Variants in DMD observed in about 807,000 individuals in gnomAD.
DMD encodes the protein mutant dystrophin.
DMD carries 63 observed loss-of-function variants against 330.1 expected under a neutral mutation model. That is an observed-to-expected ratio of 0.19 (90% CI 0.16 to 0.24). The LOEUF is 0.24. Ranked by LOEUF, DMD falls within the 10% of genes least tolerant of loss-of-function variation. DMD has a pLI of 1.00. For synonymous variants in DMD, 1,223 were observed against 959.8 expected (o/e 1.27, Z -5.07); for missense variants, 3,344 against 2,684.1 (o/e 1.25, Z -5.43).
At chrX:32,736,466 C>T (rs1160318337) in intron 7 of DMD, among the ~76,000 whole-genome samples, 10 of 110,304 alleles carry the variant, frequency 9.1e-5, no homozygotes, top group Admixed American at 1.9e-4. Flanking sequence ...CACATGCACA[C>T]GTATGTTTAT....
At chrX:31,889,335 T>C (rs913070651) in intron 47 of DMD, among the ~76,000 whole-genome samples, 1 of 111,063 alleles carries the variant, frequency 9.0e-6, no homozygotes, top group African/African-American at 3.3e-5. Context: ...CGTGAGTACA[T>C]GGATAATATT....
At chrX:32,894,300 C>A (rs1603459381) in intron 2 of DMD, among the ~76,000 whole-genome samples, 1 of 111,565 alleles carries the variant, frequency 9.0e-6, no homozygotes, top group African/African-American at 3.3e-5. Flanking sequence ...CCATAGCCAG[C>A]AAACGAGGCA....
chrX:33,207,791 T>A (rs774846676), intron 1 of DMD, among the ~76,000 whole-genome samples: 1 of 111,767 alleles, frequency 8.9e-6, no homozygotes, highest in Admixed American at 9.5e-5. Context: ...TTTATTTGCT[T>A]GGTTTGTTTG....
intron 5 of DMD, among the ~76,000 whole-genome samples, chrX:32,820,168 G>A (rs12013351): frequency 9.0e-6 from 1 of 111,677 alleles, no homozygotes; most frequent in South Asian, 3.7e-4. Context: ...GGCTGGGTGC[G>A]GTGGCTCACG....
chrX:31,976,417 C>T (rs1016840039), intron 44 of DMD, among the ~76,000 whole-genome samples: 72 of 110,842 alleles, frequency 6.5e-4, no homozygotes, highest in African/African-American at 2.1e-3. Flanking sequence ...TTTATTGAAA[C>T]GATTCTGGGC....
At chrX:32,650,770 T>C (rs926197580) in intron 9 of DMD, among the ~76,000 whole-genome samples, 36 of 111,893 alleles carry the variant, frequency 3.2e-4, no homozygotes, top group African/African-American at 1.0e-3. Flanking sequence ...TTAGGAAAAA[T>C]CATGGCCTGC....
intron 1 of DMD, among the ~76,000 whole-genome samples, chrX:33,297,708 A>G (rs181523070): frequency 9.0e-6 from 1 of 111,409 alleles, no homozygotes; most frequent in East Asian, 2.8e-4. Flanking sequence ...GACATATGCT[A>G]TGTGAAATAA....
chrX:31,302,542 A>T (rs748362122), intron 62 of DMD, among the ~76,000 whole-genome samples: 6 of 111,352 alleles, frequency 5.4e-5, no homozygotes, highest in Admixed American at 9.6e-5. Context: ...GCAGTAACAG[A>T]AAAGAAAAAT....
intron 9 of DMD, among the ~76,000 whole-genome samples, chrX:32,660,601 T>G (rs2060883637): frequency 9.0e-6 from 1 of 111,608 alleles, no homozygotes; most frequent in Admixed American, 9.5e-5. Context: ...CTCCATAGCA[T>G]GAATGTCTTA....
chrX:31,489,634 A>C (rs878964251), intron 57 of DMD, among the ~76,000 whole-genome samples: 1 of 112,348 alleles, frequency 8.9e-6, no homozygotes, highest in Non-Finnish European at 1.9e-5. Flanking sequence ...GTTCCCTAAC[A>C]TATGCTTAAC....
chrX:32,334,145 C>T (rs769749956), intron 41 of DMD, among the ~76,000 whole-genome samples: 1 of 110,950 alleles, frequency 9.0e-6, no homozygotes, highest in African/African-American at 3.3e-5. Flanking sequence ...CTATGATCAT[C>T]AACAATCTAG....
At chrX:32,441,491 C>A (rs973417533) in intron 27 of DMD, among the ~76,000 whole-genome samples, 177 bp from the exon 28 acceptor site, 5 of 111,223 alleles carry the variant, frequency 4.5e-5, no homozygotes, top group Non-Finnish European at 7.6e-5. Flanking sequence ...CCTCTACAAT[C>A]AAAAGTCATT....
intron 26 of DMD, among the ~76,000 whole-genome samples, chrX:32,449,936 A>G (rs752486541): frequency 9.0e-6 from 1 of 111,262 alleles, no homozygotes; most frequent in East Asian, 2.8e-4. Flanking sequence ...AATCCCAGCA[A>G]ACACTGTTAA....
intron 2 of DMD, among the ~76,000 whole-genome samples, chrX:32,928,247 G>A (rs2089259647): frequency 9.1e-6 from 1 of 109,439 alleles, no homozygotes; most frequent in East Asian, 2.9e-4. Context: ...TTTTTTTAAT[G>A]TCATCTAGAA....
intron 63 of DMD, among the ~76,000 whole-genome samples, chrX:31,258,695 A>G: frequency 8.9e-6 from 1 of 112,339 alleles, no homozygotes; most frequent in African/African-American, 3.2e-5. Context: ...CACAAGCCCA[A>G]TGTCACAAGT....
At chrX:32,873,098 T>G (rs1033161815) in intron 2 of DMD, among the ~76,000 whole-genome samples, 1 of 111,515 alleles carries the variant, frequency 9.0e-6, no homozygotes, top group Non-Finnish European at 1.9e-5. Flanking sequence ...GTTCCCTTTT[T>G]GATTGCTATG....
intron 1 of DMD, among the ~76,000 whole-genome samples, chrX:33,066,911 T>C (rs2094671366): frequency 8.9e-6 from 1 of 111,978 alleles, no homozygotes; most frequent in Non-Finnish European, 1.9e-5. Context: ...AGAAGGAAGA[T>C]TGACAATACA....
At position 32,722,832 on chromosome X, in the gene DMD, G is replaced by C. The variant is rs866452291; in HGVS notation, c.650-23539C>G. On this transcript the variant is annotated intron_variant, in intron 7 of 78. Transcript: ENST00000357033. ...TATTAGTTCTAACATTTTTCTTGTG[G>C]AGTCCTTAGGGGTTTCTACATATAC... Among the ~76,000 whole-genome samples, 16 of 110,579 alleles carry C rather than the reference G, an allele frequency of 1.4e-4. No homozygotes were observed. In the Middle Eastern group the frequency reaches 0.032, roughly 223 times the overall value.
At chrX:32,924,258 T>C (rs1028974719) in intron 2 of DMD, among the ~76,000 whole-genome samples, 14 of 112,044 alleles carry the variant, frequency 1.2e-4, no homozygotes, top group Non-Finnish European at 2.4e-4. Context: ...CCAGGCATGA[T>C]GGATCACACT....
Sources: allele counts gnomAD v4.1 joint callset (sites outside exome capture counted in the v4.1 genomes callset), GRCh38; gene constraint gnomAD v4.1.1; transcripts MANE v1.5; gene names NCBI Gene and HGNC (gene_info 2026-07-23, HGNC 2026-07-21).